Variants in RAD51B observed in about 807,000 individuals in gnomAD.
The protein encoded by RAD51B is RAD51 paralog B.
In RAD51B, 38 loss-of-function variants were observed where a neutral mutation model predicts 42.2. That is an observed-to-expected ratio of 0.90 (90% confidence interval 0.70 to 1.18). RAD51B has a LOEUF of 1.18. Ranked by LOEUF, RAD51B falls within the 50% of genes most tolerant of loss-of-function variation. The pLI is 0.00. For synonymous variants in RAD51B, 154 were observed against 145.2 expected, an observed-to-expected ratio of 1.06 and a Z score of -0.43; for missense variants, 373 against 400.7, an observed-to-expected ratio of 0.93 and a Z score of 0.59.
intron 4 of RAD51B, among the ~76,000 whole-genome samples, chr14:67,863,021 T>G (rs559733082): frequency 1.4e-4 from 22 of 152,226 alleles, no homozygotes; most frequent in African/African-American, 5.1e-4. Flanking sequence ...GTCAAATAAG[T>G]TTGGAGAACT....
At chr14:67,883,889 A>G (rs2042990357) in intron 5 of RAD51B, among the ~76,000 whole-genome samples, 2 of 152,170 alleles carry the variant, frequency 1.3e-5, no homozygotes, top group Admixed American at 6.5e-5. Context: ...CTTAGTGCTC[A>G]TTTTGAAAAG....
At chr14:68,672,514 G>C (rs58017786) in intron 11 of RAD51B, among the ~76,000 whole-genome samples, 6,836 of 152,206 alleles carry the variant, frequency 0.045, 519 homozygotes, top group African/African-American at 0.15. Context: ...GGAGAGTCTA[G>C]GTCCACCTAT....
chr14:68,384,984 C>A (rs1357524650), intron 8 of RAD51B, among the ~76,000 whole-genome samples: 1 of 152,216 alleles, frequency 6.6e-6, no homozygotes, highest in Admixed American at 6.5e-5. Flanking sequence ...GACAGAGTTA[C>A]ACAGCACGAC....
intron 10 of RAD51B, among the ~76,000 whole-genome samples, chr14:68,617,875 G>A (rs1353970785): frequency 1.1e-4 from 16 of 152,112 alleles, no homozygotes; most frequent in South Asian, 2.1e-4. Context: ...CCAGGCCTGC[G>A]GGGTCATCCT....
intron 7 of RAD51B, among the ~76,000 whole-genome samples, chr14:68,180,030 C>G (rs559758011): frequency 6.6e-6 from 1 of 152,158 alleles, no homozygotes; most frequent in Non-Finnish European, 1.5e-5. Flanking sequence ...ACCCTTTATT[C>G]CCCCCTTGCA....
intron 7 of RAD51B, among the ~76,000 whole-genome samples, chr14:68,066,537 A>G (rs192571005): frequency 5.0e-4 from 76 of 152,328 alleles, no homozygotes; most frequent in Admixed American, 2.3e-3. Context: ...TAAAGGGAGA[A>G]ATCTACGAAA....
At chr14:67,997,774 G>A (rs2075411585) in intron 7 of RAD51B, among the ~76,000 whole-genome samples, 1 of 152,114 alleles carries the variant, frequency 6.6e-6, no homozygotes, top group Admixed American at 6.5e-5. Context: ...ACAGATCAGC[G>A]AATCTTTGCT....
intron 7 of RAD51B, among the ~76,000 whole-genome samples, chr14:68,168,002 C>T (rs2078788249): frequency 6.6e-6 from 1 of 151,982 alleles, no homozygotes; most frequent in Non-Finnish European, 1.5e-5. Context: ...TATTCTTTTT[C>T]GTGATTTGGA....
At chr14:67,913,073 A>G (rs1414541157) in intron 7 of RAD51B, among the ~76,000 whole-genome samples, 3 of 152,180 alleles carry the variant, frequency 2.0e-5, no homozygotes, top group Admixed American at 2.0e-4. Flanking sequence ...TTTTTCAGTA[A>G]TCAAGATTTA....
intron 9 of RAD51B, among the ~76,000 whole-genome samples, chr14:68,455,457 C>A (rs1386121680): frequency 2.6e-5 from 4 of 152,004 alleles, no homozygotes; most frequent in Non-Finnish European, 5.9e-5. Flanking sequence ...GTGGCTCACA[C>A]CTGTAATCCC....
At chr14:68,332,795 GTTCTT>G (rs1385250014) in intron 8 of RAD51B, among the ~76,000 whole-genome samples, 1 of 152,150 alleles carries the variant, frequency 6.6e-6, no homozygotes, top group East Asian at 1.9e-4. Flanking sequence ...AGTTTCATTT[GTTCTT>G]TTCTTTAATA....
intron 10 of RAD51B, among the ~76,000 whole-genome samples, chr14:68,491,373 T>A (rs1293984137): frequency 6.6e-6 from 1 of 152,252 alleles, no homozygotes; most frequent in East Asian, 1.9e-4. Flanking sequence ...CCACAAACTG[T>A]CACTGACCAT....
At chr14:68,035,004 T>C (rs2076099556) in intron 7 of RAD51B, among the ~76,000 whole-genome samples, 1 of 152,190 alleles carries the variant, frequency 6.6e-6, no homozygotes, top group Non-Finnish European at 1.5e-5. Flanking sequence ...ATACCAGATG[T>C]GTACTGTGGA....
intron 7 of RAD51B, among the ~76,000 whole-genome samples, chr14:68,235,720 AAAAAAAAAAAAAG>A (rs2080239461): frequency 6.7e-6 from 1 of 149,566 alleles, no homozygotes; most frequent in African/African-American, 2.5e-5. Context: ...AAAAAAAAAA[AAAAAAAAAAAAAG>A]AGCTGAGATC....
intron 7 of RAD51B, among the ~76,000 whole-genome samples, chr14:68,034,380 TC>T: frequency 6.6e-6 from 1 of 152,092 alleles, no homozygotes; most frequent in South Asian, 2.1e-4. Flanking sequence ...CAAGCAATCC[TC>T]CTACTTCAGG....
At chr14:68,680,268 C>T (rs534676968) in intron 11 of RAD51B, among the ~76,000 whole-genome samples, 3 of 152,138 alleles carry the variant, frequency 2.0e-5, no homozygotes, top group East Asian at 1.9e-4. Flanking sequence ...ATTCTCACCA[C>T]GGCCAATTTC....
chr14:68,359,773 G>A (rs911330037), intron 8 of RAD51B, among the ~76,000 whole-genome samples: 1 of 152,210 alleles, frequency 6.6e-6, no homozygotes, highest in Non-Finnish European at 1.5e-5. Context: ...AAAAAGAGTG[G>A]TGGTGGTTCT....
intron 7 of RAD51B, among the ~76,000 whole-genome samples, chr14:67,940,973 C>T (rs370708446): frequency 3.3e-5 from 5 of 152,052 alleles, no homozygotes; most frequent in East Asian, 3.9e-4. Flanking sequence ...GCTTATGAAC[C>T]GTGCAGAATA....
chr14:68,220,311 A>G (rs570228474), intron 7 of RAD51B, among the ~76,000 whole-genome samples: 4 of 152,348 alleles, frequency 2.6e-5, no homozygotes, highest in South Asian at 4.1e-4. Flanking sequence ...ATGGTTTAAC[A>G]TATGTCAGTC....
Sources: gnomAD v4.1 joint callset for allele counts (sites outside exome capture counted in the v4.1 genomes callset) on GRCh38, gnomAD v4.1.1 for gene constraint, MANE v1.5 for transcripts, NCBI Gene and HGNC (gene_info 2026-07-23, HGNC 2026-07-21) for gene names.